ITGB8: variants seen among roughly 807,000 people sequenced by gnomAD.
The protein encoded by ITGB8 is integrin beta-8.
ITGB8 carries 30 observed loss-of-function variants against 89.5 expected under a neutral mutation model. The ratio of observed to expected loss-of-function variants is 0.34; its 90% CI spans 0.25 to 0.45. ITGB8 has a LOEUF of 0.45. ITGB8 is among the 20% of genes least tolerant of loss of function. The pLI is 1.00. For missense variants in ITGB8, 836 were observed against 933.3 expected, an observed-to-expected ratio of 0.90 and a Z score of 1.36; for synonymous variants, 335 against 320.4, an observed-to-expected ratio of 1.05 and a Z score of -0.49.
chr7:20,385,912 C>T (rs1240166462), intron 6 of ITGB8, among the ~76,000 whole-genome samples: 1 of 152,160 alleles, frequency 6.6e-6, no homozygotes, highest in Non-Finnish European at 1.5e-5. Context: ...TGAGATCAGA[C>T]AGAATTCCAT....
At chr7:20,390,835 C>G (rs543312986) in intron 6 of ITGB8, among the ~76,000 whole-genome samples, 14 of 152,022 alleles carry the variant, frequency 9.2e-5, no homozygotes, top group African/African-American at 3.4e-4. Context: ...AGGTGACAAA[C>G]CTAGGACTTG....
chr7:20,384,406 G>A (rs1786522741), intron 6 of ITGB8, among the ~76,000 whole-genome samples: 1 of 152,158 alleles, frequency 6.6e-6, no homozygotes, highest in Admixed American at 6.5e-5. Flanking sequence ...GCTATTTCCT[G>A]AAGGTCAATG....
intron 6 of ITGB8, among the ~76,000 whole-genome samples, chr7:20,385,303 T>C (rs1274840165): frequency 2.6e-5 from 4 of 152,232 alleles, no homozygotes; most frequent in African/African-American, 9.6e-5. Flanking sequence ...GAGATTCAAA[T>C]TGGCAAGATC....
intron 6 of ITGB8, among the ~76,000 whole-genome samples, chr7:20,389,217 G>A (rs1360661037): frequency 6.6e-6 from 1 of 152,130 alleles, no homozygotes. Flanking sequence ...CTTCCACAAT[G>A]GTTGGACTAA....
rs1239382703 is a variant in ITGB8, at chr7:20,394,876, G to A, written c.1057-20G>A. ...TACATACTATTGTCATTGTTTAAAT[G>A]CTACTGATATGTTTTATAGGATCTT... On this transcript the variant is annotated intron_variant, in intron 7 of 13. Transcript: ENST00000222573. 6.6e-7 allele frequency: 1 copy of A among 1,524,584 alleles called. No individual in the cohort carries two copies. The allele number at this position is 1,524,584 out of a possible 1,614,324, so 94.4% of individuals were successfully genotyped here.
intron 6 of ITGB8, among the ~76,000 whole-genome samples, chr7:20,383,388 C>T (rs777393901): frequency 5.3e-5 from 8 of 152,266 alleles, no homozygotes; most frequent in Middle Eastern, 3.4e-3. Context: ...GACAGACCCA[C>T]CTACTTCTAC....
rs755883312 is a variant in ITGB8, at chr7:20,391,438, A to G, written c.996A>G (p.Leu332=). 6.7e-5 allele frequency: 108 copies of G among 1,604,526 alleles called. No individual in the cohort carries two copies. The highest frequency in any genetic ancestry group is 4.8e-5 in the Non-Finnish European group (56 of 1,174,228). ...CACTAGGCCAACTTTCAGAGAAATT[A>G]ATAGACAACAACATTAATGTCATCT... ...HPSLGQLSEK[L]IDNNINVIFA... The change falls in exon 7 of 14, where the codon TTA becomes TTG. Residue 332 remains leucine (L), a synonymous_variant. Transcript: ENST00000222573.
In ITGB8 at chr7:20,415,114, A is replaced by G. The variant is rs374645059; in HGVS notation, c.*5117A>G. On this transcript the variant is annotated 3_prime_UTR_variant, in exon 14 of 14. Transcript: ENST00000222573. The stretch of plus-strand genomic sequence containing the variant: ...ATAAGAAGTCTACGCAATGACAAGT[A>G]TGGTACATAAATTTTATTAAGAATA... The G allele has an allele frequency of 1.3e-5, 2 of 152,710 alleles. No homozygotes were observed. The highest frequency in any genetic ancestry group is 1.9e-4 in the East Asian group (1 of 5,196). 9.5% of individuals were successfully genotyped at this position (152,710 alleles called of 1,614,324 possible). A position where few individuals can be genotyped will look rare whatever the true frequency, so the allele number is the denominator to read the frequency against.
At chr7:20,385,065 G>A (rs1347961690) in intron 6 of ITGB8, among the ~76,000 whole-genome samples, 1 of 152,150 alleles carries the variant, frequency 6.6e-6, no homozygotes, top group African/African-American at 2.4e-5. Flanking sequence ...TAATACTGAG[G>A]GTTTGGAATT....
Position 20,410,801 on chromosome 7 carries a change from G to T in ITGB8, c.*804G>T, listed in dbSNP as rs17456391. 5,729 of 152,608 alleles carry T rather than the reference G, an allele frequency of 0.038. 168 individuals carry two copies. Among genetic ancestry groups the T allele is most frequent in the Middle Eastern group, 0.068 (20 of 294 alleles). 9.5% of individuals were successfully genotyped at this position (152,608 alleles called of 1,614,324 possible). On this transcript the variant is annotated 3_prime_UTR_variant, in exon 14 of 14. Transcript: ENST00000222573. Reference sequence around the variant, plus strand: ...GTTTTAAAAGCTGAATGTTAATAGGGGACACTGTAAAGTATCATCAAAACC... The same window carrying T: ...GTTTTAAAAGCTGAATGTTAATAGGTGACACTGTAAAGTATCATCAAAACC...
In ITGB8 at chr7:20,331,846, G is replaced by T. The variant is rs1440721447; in HGVS notation, c.40G>T (p.Val14Phe). ...CCTGGCTTTTTTTACCGCTGCATTT[G>T]TCTGCCTGCAAAACGACCGGCGAGG... is the stretch of plus-strand genomic sequence containing the variant. ...SALAFFTAAF[V>F]CLQNDRRGPA... Residue 14 changes from valine (V) to phenylalanine (F), a missense_variant, in exon 1 of 14, where the codon GTC (valine) becomes TTC (phenylalanine). Val to Phe is a conservative substitution (Grantham distance 50). This residue lies in a region of ITGB8 where 182 missense variants were observed against 177.0 expected (regional missense o/e 1.03). Transcript: ENST00000222573. The T allele has an allele frequency of 1.2e-6, 2 of 1,613,812 alleles. No individual in the cohort carries two copies. The highest frequency in any genetic ancestry group is 1.3e-5 in the African/African-American group (1 of 75,054).
chr7:20,363,173 C>T (rs1468236579), intron 1 of ITGB8, among the ~76,000 whole-genome samples: 2 of 152,116 alleles, frequency 1.3e-5, no homozygotes, highest in Non-Finnish European at 2.9e-5. Flanking sequence ...TCAGAAAATT[C>T]ATTCACTGTG....
chr7:20,382,038 C>A, intron 6 of ITGB8, 153 bp downstream of exon 6: 1 of 627,400 alleles, frequency 1.6e-6, no homozygotes, highest in Non-Finnish European at 2.7e-6. Flanking sequence ...TGGAACAGTG[C>A]AATCTATAAA....
In ITGB8 at chr7:20,391,512, GA is replaced by G; in HGVS notation, c.1056+18del. 1 of 1,393,020 alleles carries G rather than the reference GA, an allele frequency of 7.2e-7. No individual in the cohort carries two copies. The highest frequency in any genetic ancestry group is 9.9e-7 in the Non-Finnish European group (1 of 1,012,932). The allele number at this position is 1,393,020 out of a possible 1,614,324, so 86.3% of individuals were successfully genotyped here. Reference sequence around the variant, plus strand: ...CATTGGTATAAGGTATGTTAACTCTGAAAATGTTAAAATTAAATTTTTTTCA... The same window carrying G: ...CATTGGTATAAGGTATGTTAACTCTGAAATGTTAAAATTAAATTTTTTTCA... On this transcript the variant is annotated intron_variant, in intron 7 of 13. Transcript: ENST00000222573.
chr7:20,368,813 T>A (rs1034743232), intron 3 of ITGB8, among the ~76,000 whole-genome samples: 8 of 152,206 alleles, frequency 5.3e-5, no homozygotes, highest in Non-Finnish European at 8.8e-5. Context: ...TTAATTTTAC[T>A]GTTATCCTAC....
intron 3 of ITGB8, among the ~76,000 whole-genome samples, chr7:20,372,513 C>T (rs1461117092): frequency 6.6e-6 from 1 of 151,954 alleles, no homozygotes; most frequent in Non-Finnish European, 1.5e-5. Flanking sequence ...TTGATTTAAA[C>T]TGGGATGTCT....
intron 3 of ITGB8, among the ~76,000 whole-genome samples, chr7:20,370,618 A>ATTATTATTATTC (rs1785895386): frequency 6.7e-6 from 1 of 149,194 alleles, no homozygotes; most frequent in African/African-American, 2.5e-5. Flanking sequence ...TATTATTATT[A>ATTATTATTATTC]TTATTATTTT....
At chr7:20,386,564 C>T (rs1786635510) in intron 6 of ITGB8, among the ~76,000 whole-genome samples, 1 of 151,830 alleles carries the variant, frequency 6.6e-6, no homozygotes, top group African/African-American at 2.4e-5. Flanking sequence ...GGCCTGAGAA[C>T]ATTTTAATAG....
chr7:20,356,918 A>C (rs1785314158), intron 1 of ITGB8, among the ~76,000 whole-genome samples: 1 of 152,016 alleles, frequency 6.6e-6, no homozygotes, highest in Admixed American at 6.6e-5. Flanking sequence ...TTCCCCTGTC[A>C]CTTCTATCAG....
Sources: gnomAD v4.1 joint callset for allele counts (sites outside exome capture counted in the v4.1 genomes callset) on GRCh38, gnomAD v4.1.1 for gene constraint, gnomAD v4.1.1 regional missense constraint, MANE v1.5 for transcripts, NCBI Gene and HGNC (gene_info 2026-07-23, HGNC 2026-07-21) for gene names.